NUP205: variants seen among roughly 807,000 people sequenced by gnomAD.
NUP205 encodes nucleoporin 205.
A neutral mutation model predicts 253.8 loss-of-function variants in NUP205; 76 were observed. The observed-to-expected ratio is 0.30, with a 90% CI of 0.25 to 0.36. NUP205 has a LOEUF of 0.36. NUP205 is among the 10% of genes least tolerant of loss of function. NUP205 has a pLI of 1.00. For missense variants in NUP205, 2,162 were observed against 2,425.5 expected (o/e 0.89, Z 2.28); for synonymous variants, 832 against 850.1 (o/e 0.98, Z 0.37).
At chr7:135,604,535 A>G in intron 19 of NUP205, 75 bp downstream of exon 19, 2 of 1,365,292 alleles carry the variant, frequency 1.5e-6, no homozygotes, top group African/African-American at 1.5e-5. Context: ...TCTAGTGTCT[A>G]TGGAGGAATC....
intron 1 of NUP205, among the ~76,000 whole-genome samples, chr7:135,562,545 C>T (rs1049144528): frequency 1.2e-4 from 12 of 97,408 alleles, no homozygotes; most frequent in African/African-American, 3.9e-4. Context: ...GACCAAAATC[C>T]TTTTTTTTTT....
At chr7:135,639,245 G>A (rs1794873845) in intron 38 of NUP205, among the ~76,000 whole-genome samples, 1 of 152,158 alleles carries the variant, frequency 6.6e-6, no homozygotes, top group African/African-American at 2.4e-5. Flanking sequence ...GGAATTGACT[G>A]TTGGTGATTT....
At chr7:135,643,401 G>T in intron 39 of NUP205, 43 bp downstream of exon 39, 1 of 1,545,482 alleles carries the variant, frequency 6.5e-7, no homozygotes, top group East Asian at 2.3e-5. Context: ...AGAAATCATT[G>T]CTGTTACTAG....
chr7:135,586,141 A>T (rs7785637), intron 8 of NUP205, among the ~76,000 whole-genome samples: 59,781 of 151,620 alleles, frequency 0.39, 12,257 homozygotes, highest in Middle Eastern at 0.57. Context: ...AGTTTTTAAA[A>T]GCACCCTGAA....
In NUP205 at chr7:135,617,597, T is replaced by C; in HGVS notation, c.3691-5T>C. On this transcript the variant is annotated splice_region_variant and splice_polypyrimidine_tract_variant and intron_variant, in intron 26 of 42. Transcript: ENST00000285968. ...TTATTTTTCTTTCTTTTCCTAATTA[T>C]CCAGCTTCTTCATAGGGTTCTTGTA... is the stretch of plus-strand genomic sequence containing the variant. The C allele has an allele frequency of 6.2e-7, 1 of 1,609,466 alleles. No homozygotes were observed. Among genetic ancestry groups the C allele is most frequent in the South Asian group, 1.1e-5 (1 of 90,952 alleles).
Position 135,597,279 on chromosome 7 carries a change from G to A in NUP205, c.2014-89G>A, listed in dbSNP as rs1013012062. ...ATTGTGAGATCTGTGGGTCCAGTGG[G>A]TGAGGTATGTGACTATTATATTGCA... On this transcript the variant is annotated intron_variant, in intron 13 of 42. Transcript: ENST00000285968. 1.4e-5 allele frequency: 12 copies of A among 855,200 alleles called. No individual in the cohort carries two copies. The Admixed American group carries it at 2.1e-4, about 15-fold the overall frequency. The allele number at this position is 855,200 out of a possible 1,614,324, so 53.0% of individuals were successfully genotyped here.
intron 14 of NUP205, chr7:135,597,780 A>G (rs1793877133): frequency 6.0e-6 from 3 of 500,062 alleles, no homozygotes; most frequent in African/African-American, 1.9e-5. Flanking sequence ...TTTTAAATTC[A>G]AGTTTGGGGA....
intron 1 of NUP205, among the ~76,000 whole-genome samples, chr7:135,569,719 C>G (rs1252831164): frequency 6.6e-6 from 1 of 152,004 alleles, no homozygotes; most frequent in Non-Finnish European, 1.5e-5. Flanking sequence ...GTCATTATTA[C>G]TTACTGTTAT....
chr7:135,574,801 A>G (rs1047835562), intron 3 of NUP205, among the ~76,000 whole-genome samples: 23 of 152,236 alleles, frequency 1.5e-4, no homozygotes, highest in Non-Finnish European at 2.2e-4. Context: ...AAAAATTTCT[A>G]TACTATAAGC....
Position 135,606,215 on chromosome 7 carries a change from G to A in NUP205, c.2894G>A (p.Arg965His), listed in dbSNP as rs769201644. 45 of 1,607,322 alleles carry A rather than the reference G, an allele frequency of 2.8e-5. No homozygotes were observed. Among genetic ancestry groups the A allele is most frequent in the Middle Eastern group, 1.7e-4 (1 of 6,054 alleles). ...LDCEDAEEFV[R>H]LEEGSELEKK... The stretch of plus-strand genomic sequence containing the variant: ...TGTGAAGATGCAGAAGAATTTGTAC[G>A]TCTGGAAGAGGGTATGCCTTAGATT... Residue 965 changes from arginine to histidine, a missense_variant, in exon 20 of 43, where the codon CGT (arginine) becomes CAT (histidine). Around this residue, in one of 5 missense-constraint regions of NUP205, gnomAD observed 1,144 missense variants for 1,280.9 expected, o/e 0.89. Coordinates refer to ENST00000285968, the MANE Select transcript of NUP205 (RefSeq NM_015135.3).
intron 1 of NUP205, among the ~76,000 whole-genome samples, chr7:135,568,085 C>T (rs970672695): frequency 6.6e-6 from 1 of 151,810 alleles, no homozygotes; most frequent in Non-Finnish European, 1.5e-5. Flanking sequence ...ATTAGACGGG[C>T]GTGGTGGCAC....
chr7:135,625,906 G>T (rs938930884), intron 32 of NUP205, among the ~76,000 whole-genome samples: 1 of 151,928 alleles, frequency 6.6e-6, no homozygotes, highest in South Asian at 2.1e-4. Context: ...CCTGCAAAAC[G>T]GCAGGCATGG....
At chr7:135,591,176 T>C (rs532273210) in intron 10 of NUP205, among the ~76,000 whole-genome samples, 4 of 152,258 alleles carry the variant, frequency 2.6e-5, no homozygotes, top group Admixed American at 2.6e-4. Flanking sequence ...ACATGTCTTA[T>C]ATTTTTAAAA....
chr7:135,629,558 A>T (rs1178427242), intron 34 of NUP205, among the ~76,000 whole-genome samples: 3 of 128,430 alleles, frequency 2.3e-5, no homozygotes, highest in African/African-American at 8.9e-5. Context: ...ACAGAGTCTC[A>T]CTTCGTCACC....
intron 35 of NUP205, among the ~76,000 whole-genome samples, chr7:135,633,905 C>T (rs1794760145): frequency 6.6e-6 from 1 of 152,198 alleles, no homozygotes; most frequent in Non-Finnish European, 1.5e-5. Flanking sequence ...CTGTTGTGTA[C>T]AGTTCAGCCC....
At chr7:135,638,172 G>T (rs1055065686) in intron 37 of NUP205, 113 bp downstream of exon 37, 17 of 1,121,710 alleles carry the variant, frequency 1.5e-5, no homozygotes, top group Non-Finnish European at 1.8e-5. Context: ...CACTTTGGGA[G>T]GCCAAGGCGG....
chr7:135,574,556 G>GT (rs1377109229), intron 3 of NUP205, among the ~76,000 whole-genome samples: 1 of 152,152 alleles, frequency 6.6e-6, no homozygotes, highest in Non-Finnish European at 1.5e-5. Context: ...ATAAAGGCGT[G>GT]TTTAAGGATA....
chr7:135,625,860 T>C (rs889716957), intron 32 of NUP205, among the ~76,000 whole-genome samples: 3 of 152,200 alleles, frequency 2.0e-5, no homozygotes, highest in Admixed American at 2.0e-4. Context: ...TACTCCTTTT[T>C]CCTCCTTCAT....
At chr7:135,629,529 C>CTCTCTCTCTCTT (rs1794664991) in intron 34 of NUP205, among the ~76,000 whole-genome samples, 1 of 127,524 alleles carries the variant, frequency 7.8e-6, no homozygotes, top group Non-Finnish European at 1.7e-5. Context: ...CTCTGTCTCT[C>CTCTCTCTCTCTT]TTTTTTTTTT....
Sources: allele counts gnomAD v4.1 joint callset (sites outside exome capture counted in the v4.1 genomes callset), GRCh38; gene constraint gnomAD v4.1.1; regional missense constraint gnomAD v4.1.1; transcripts MANE v1.5; gene names NCBI Gene and HGNC (gene_info 2026-07-23, HGNC 2026-07-21).